The following AFDN variants were observed in gnomAD, a reference collection of about 807,000 sequenced individuals.
AFDN encodes afadin.
A neutral mutation model predicts 216.6 loss-of-function variants in AFDN; 68 were observed. That is an observed-to-expected ratio of 0.31 (90% CI 0.26 to 0.38). The LOEUF (loss-of-function observed/expected upper bound fraction) is 0.38, where lower values mean the gene tolerates loss of function less well. AFDN is among the 10% of genes least tolerant of loss of function. The pLI, the probability that AFDN is intolerant of heterozygous loss-of-function variation, is 1.00. For missense variants in AFDN, 2,136 were observed against 2,342.0 expected, an observed-to-expected ratio of 0.91 and a Z score of 1.82; for synonymous variants, 868 against 853.7, an observed-to-expected ratio of 1.02 and a Z score of -0.29.
At position 167,911,709 on chromosome 6, in the gene AFDN, A is replaced by G. The variant is rs530444756; in HGVS notation, c.2037+220A>G. The stretch of plus-strand genomic sequence containing the variant: ...CCCTGTAAAACTTCAGCATAAGTGA[A>G]GTTAACTTGTAGTAATAGTTGTGAG... On this transcript the variant is annotated intron_variant, in intron 15 of 33. Coordinates refer to ENST00000683244, the MANE Select transcript of AFDN (RefSeq NM_001386888.1). The G allele has an allele frequency of 1.7e-4, 94 of 538,678 alleles. 1 individual carries two copies. The highest frequency in any genetic ancestry group is 7.8e-4 in the Admixed American group (25 of 32,134). The allele number at this position is 538,678 out of a possible 1,614,324, so 33.4% of individuals were successfully genotyped here.
At chr6:167,965,693 C>T (rs1387803337) in intron 31 of AFDN, 64 bp from the exon 32 acceptor site, 3 of 1,422,874 alleles carry the variant, frequency 2.1e-6, no homozygotes, top group African/African-American at 1.4e-5. Context: ...CTTTGAAGGC[C>T]CAGTGGGTCG....
At chr6:167,856,689 C>T (rs1474606367) in intron 1 of AFDN, among the ~76,000 whole-genome samples, 3 of 152,082 alleles carry the variant, frequency 2.0e-5, no homozygotes, top group East Asian at 3.8e-4. Context: ...TCATTTAATT[C>T]TCCACCGTAA....
intron 1 of AFDN, among the ~76,000 whole-genome samples, chr6:167,860,980 G>A (rs983442144): frequency 3.9e-5 from 6 of 152,210 alleles, no homozygotes; most frequent in Non-Finnish European, 1.5e-5. Context: ...GCATGGTGAT[G>A]TAGGCAGGTC....
In AFDN at chr6:167,970,258, A is replaced by G. The variant is rs1409964272; in HGVS notation, c.*323A>G. The G allele has an allele frequency of 6.6e-6, 2 of 303,204 alleles. No individual in the cohort carries two copies. The highest frequency in any genetic ancestry group is 1.1e-4 in the Admixed American group (2 of 19,008). The allele number at this position is 303,204 out of a possible 1,614,324, so 18.8% of individuals were successfully genotyped here. The stretch of plus-strand genomic sequence containing the variant: ...AACTAAGGGCAGGAGAAGAGAATGG[A>G]TGTGTCTTCTCTCCCATCTTCCCCT... On this transcript the variant is annotated 3_prime_UTR_variant, in exon 34 of 34. Coordinates refer to ENST00000683244, the MANE Select transcript of AFDN (RefSeq NM_001386888.1).
At position 167,918,856 on chromosome 6, in the gene AFDN, A is replaced by G; in HGVS notation, c.2831A>G (p.Glu944Gly). Residue 944 changes from glutamate to glycine, a missense_variant, in exon 21 of 34, where the codon GAA becomes GGA. By Grantham distance (98) the Glu-to-Gly change is moderately conservative (BLOSUM62 -2). Around this residue, in one of 8 missense-constraint regions of AFDN, gnomAD observed 162 missense variants for 182.6 expected, o/e 0.89. Transcript: ENST00000683244. ...PDLQLPFLLPEDGYSCDVVRN... is the reference protein window; with the variant it reads ...PDLQLPFLLPGDGYSCDVVRN... ...CTGCAGCTGCCGTTTCTTTTGCCAG[A>G]AGATGGTTATTCTTGTGATGTTGTC... 6.2e-7 allele frequency: 1 copy of G among 1,613,504 alleles called. No individual in the cohort carries two copies. The highest frequency in any genetic ancestry group is 8.5e-7 in the Non-Finnish European group (1 of 1,179,686).
chr6:167,941,866 A>G (rs1562713586), intron 23 of AFDN, among the ~76,000 whole-genome samples: 1 of 152,222 alleles, frequency 6.6e-6, no homozygotes, highest in Non-Finnish European at 1.5e-5. Flanking sequence ...AAAGCTGCAA[A>G]GGAGAATACT....
intron 5 of AFDN, among the ~76,000 whole-genome samples, chr6:167,878,266 G>A (rs899598425): frequency 2.6e-5 from 4 of 152,162 alleles, no homozygotes; most frequent in East Asian, 1.9e-4. Flanking sequence ...TCTTCAAAAC[G>A]GGGCACTAAC....
At chr6:167,948,270 T>G in intron 28 of AFDN, 23 bp from the exon 29 acceptor site, 3 of 1,583,336 alleles carry the variant, frequency 1.9e-6, no homozygotes, top group Non-Finnish European at 2.6e-6. Context: ...AAGCTCACTT[T>G]TTTTGTTCTT....
intron 22 of AFDN, chr6:167,923,174 G>T: frequency 2.3e-6 from 1 of 430,312 alleles, no homozygotes; most frequent in Non-Finnish European, 4.1e-6. Context: ...TGTAAGCAGT[G>T]GTGCTTTTTA....
chr6:167,861,639 T>C (rs34169626), intron 1 of AFDN, among the ~76,000 whole-genome samples: 2,278 of 152,320 alleles, frequency 0.015, 26 homozygotes, highest in Middle Eastern at 0.027. Flanking sequence ...GATTCTCCTC[T>C]TTTCCCTGTT....
At chr6:167,845,930 C>T (rs1240743706) in intron 1 of AFDN, among the ~76,000 whole-genome samples, 3 of 152,084 alleles carry the variant, frequency 2.0e-5, no homozygotes, top group Non-Finnish European at 4.4e-5. Context: ...GAAGCAAGCA[C>T]CTTCTTCACA....
At chr6:167,833,792 A>G (rs548600143) in intron 1 of AFDN, among the ~76,000 whole-genome samples, 1 of 152,178 alleles carries the variant, frequency 6.6e-6, no homozygotes, top group African/African-American at 2.4e-5. Flanking sequence ...CTCAGACACT[A>G]TCCACTGTTT....
At chr6:167,878,328 T>C (rs1169268555) in intron 5 of AFDN, among the ~76,000 whole-genome samples, 1 of 152,138 alleles carries the variant, frequency 6.6e-6, no homozygotes, top group Non-Finnish European at 1.5e-5. Flanking sequence ...CTCATCCTAT[T>C]GTACATCTTT....
rs149998863 is a variant in AFDN at position 167,884,814 on chromosome 6, A to C, written c.897+4297A>C. Among the ~76,000 whole-genome samples the C allele has an allele frequency of 1.1e-4, 17 of 152,312 alleles. No individual in the cohort carries two copies. The East Asian group carries it at 2.7e-3, about 24-fold the overall frequency. On this transcript the variant is annotated intron_variant, in intron 6 of 33. Transcript: ENST00000683244. The stretch of plus-strand genomic sequence containing the variant: ...CAGCTTCATTCGCCCCTAACAAAAG[A>C]ATCAGCCTGTTCTTTGAAGCTTCGA...
intron 1 of AFDN, among the ~76,000 whole-genome samples, chr6:167,853,621 C>T (rs1303103194): frequency 6.6e-6 from 1 of 152,064 alleles, no homozygotes; most frequent in Non-Finnish European, 1.5e-5. Flanking sequence ...AGCTTTGCTT[C>T]CATCTTGATT....
intron 1 of AFDN, among the ~76,000 whole-genome samples, chr6:167,838,009 A>AT (rs1305595521): frequency 6.6e-6 from 1 of 152,146 alleles, no homozygotes; most frequent in Non-Finnish European, 1.5e-5. Context: ...TGATGTATTG[A>AT]TTTTCATCTA....
intron 11 of AFDN, 35 bp downstream of exon 11, chr6:167,898,502 G>A: frequency 6.3e-7 from 1 of 1,589,766 alleles, no homozygotes; most frequent in Non-Finnish European, 8.6e-7. Context: ...AAAATGTTTT[G>A]ATTATACTTA....
rs78742325 is a variant in AFDN at position 167,934,752 on chromosome 6, C to T, written c.3100-8377C>T. ...AATGATGTCTTTATGCTGTTTATCA[C>T]GTTGTACTCCCACACGCACTCAGGG... On this transcript the variant is annotated intron_variant, in intron 23 of 33. Transcript: ENST00000683244. Among the ~76,000 whole-genome samples the T allele has an allele frequency of 2.3e-3, 350 of 152,152 alleles. 3 individuals carry two copies. The highest frequency in any genetic ancestry group is 7.9e-3 in the African/African-American group (330 of 41,512).
At chr6:167,846,584 T>G (rs1583137431) in intron 1 of AFDN, among the ~76,000 whole-genome samples, 1 of 152,144 alleles carries the variant, frequency 6.6e-6, no homozygotes, top group East Asian at 1.9e-4. Context: ...AACTTCTCAT[T>G]AACTTTTTAT....
Sources: gnomAD v4.1 joint callset for allele counts (sites outside exome capture counted in the v4.1 genomes callset) on GRCh38, gnomAD v4.1.1 for gene constraint, gnomAD v4.1.1 regional missense constraint, MANE v1.5 for transcripts, NCBI Gene and HGNC (gene_info 2026-07-23, HGNC 2026-07-21) for gene names.